The following IL15RA variants were observed in gnomAD, a reference collection of about 807,000 sequenced individuals.
IL15RA encodes the protein interleukin-15 receptor subunit alpha.
In IL15RA, 26 loss-of-function variants were observed where a neutral mutation model predicts 24.2. The observed-to-expected ratio is 1.07, with a 90% CI of 0.79 to 1.49. The LOEUF (loss-of-function observed/expected upper bound fraction) is 1.49. Among genes scored for constraint, IL15RA ranks in the 40% most tolerant of loss-of-function variants. IL15RA has a pLI of 0.00. For missense variants in IL15RA, 354 were observed against 356.4 expected (o/e 0.99, Z 0.05); for synonymous variants, 166 against 157.6 (o/e 1.05, Z -0.40).
In IL15RA at chr10:5,965,165, C is replaced by G. The variant is rs1287831273; in HGVS notation, c.283+980G>C. ...GGCCTGAGTGTTCCAGAAACAGCTC[C>G]AAGTGGTTCCCACCCGAGATGGTTT... is the stretch of plus-strand genomic sequence containing the variant. On this transcript the variant is annotated intron_variant, in intron 2 of 6. Transcript: ENST00000379977. This position sits in a 1 kb window ranked among gnomAD's most constrained non-coding sequence, Gnocchi z 5.8. 6.6e-6 allele frequency among the ~76,000 whole-genome samples: 1 copy of G among 152,156 alleles called. No individual in the cohort carries two copies. Among genetic ancestry groups the G allele is most frequent in the East Asian group, 1.9e-4 (1 of 5,188 alleles).
Position 5,952,452 on chromosome 10 carries a change from A to T in IL15RA, c.*643T>A, listed in dbSNP as rs1833950131. 6.5e-6 allele frequency: 1 copy of T among 152,820 alleles called. No individual in the cohort carries two copies. The highest frequency in any genetic ancestry group is 1.5e-5 in the Non-Finnish European group (1 of 68,150). 9.5% of individuals were successfully genotyped at this position (152,820 alleles called of 1,614,324 possible). A position where few individuals can be genotyped will look rare whatever the true frequency, so the allele number is the denominator to read the frequency against. ...TCAAAATACAAATAATATATAATGTATAGATATAATAGACAAGGAAGTATA... is the reference window on the plus strand; with the variant it reads ...TCAAAATACAAATAATATATAATGTTTAGATATAATAGACAAGGAAGTATA... On this transcript the variant is annotated 3_prime_UTR_variant, in exon 7 of 7. Coordinates refer to ENST00000379977, the MANE Select transcript of IL15RA (RefSeq NM_002189.4).
rs1003235396 is a variant in IL15RA, at chr10:5,961,562, G to A, written c.383-995C>T. 4.6e-5 allele frequency among the ~76,000 whole-genome samples: 7 copies of A among 152,270 alleles called. No homozygotes were observed. The highest frequency in any genetic ancestry group is 1.3e-4 in the Admixed American group (2 of 15,294). On this transcript the variant is annotated intron_variant, in intron 3 of 6. Coordinates refer to ENST00000379977, the MANE Select transcript of IL15RA (RefSeq NM_002189.4). This position sits in a 1 kb window ranked among gnomAD's most constrained non-coding sequence, Gnocchi z 5.2. ...CTCGGAGCGGCTGCGTGTGAAACAC[G>A]GGAAGCCTGGGCTCTGGCCTGAACT... is the stretch of plus-strand genomic sequence containing the variant.
rs1226264436 is a variant in IL15RA at position 5,965,512 on chromosome 10, G to A, written c.283+633C>T. On this transcript the variant is annotated intron_variant, in intron 2 of 6. Transcript: ENST00000379977. The surrounding 1 kb of genome is among the most constrained non-coding windows in gnomAD (Gnocchi z 5.8). ...GTAATAAGAGTTAATATTTACCAGG[G>A]TTCACGCCACCCTCCCACAGCCCGC... Among the ~76,000 whole-genome samples the A allele has an allele frequency of 6.6e-6, 1 of 152,200 alleles. No individual in the cohort carries two copies. Among genetic ancestry groups the A allele is most frequent in the Non-Finnish European group, 1.5e-5 (1 of 68,042 alleles).
In IL15RA at chr10:5,971,593, C is replaced by T. The variant is rs564308316; in HGVS notation, c.89-5254G>A. Among the ~76,000 whole-genome samples, 2 of 152,198 alleles carry T rather than the reference C, an allele frequency of 1.3e-5. No homozygotes were observed. The highest frequency in any genetic ancestry group is 2.4e-5 in the African/African-American group (1 of 41,452). The stretch of plus-strand genomic sequence containing the variant: ...TTACAGCACCTTTCAAATGCCTGCA[C>T]GAGCTAAGGGTGGTAGGATTCAGAG... On this transcript the variant is annotated intron_variant, in intron 1 of 6. Transcript: ENST00000379977. This position sits in a 1 kb window ranked among gnomAD's most constrained non-coding sequence, Gnocchi z 5.5.
chr10:5,956,043 C>G (rs1455667825), intron 6 of IL15RA, among the ~76,000 whole-genome samples: 1 of 152,034 alleles, frequency 6.6e-6, no homozygotes, highest in African/African-American at 2.4e-5. Flanking sequence ...GAGACAGAGT[C>G]TTGCTCTGTT....
In IL15RA at chr10:5,953,404, A is replaced by T. The variant is rs983472617; in HGVS notation, c.693-198T>A. On this transcript the variant is annotated intron_variant, in intron 6 of 6. Transcript: ENST00000379977. This position sits in a 1 kb window ranked among gnomAD's most constrained non-coding sequence, Gnocchi z 5.3. ...TAGAATGCCTACCTCTACCGAGTGT[A>T]TTAAATCCTATCTAGGGGCCAGGTG... 1.4e-6 allele frequency: 1 copy of T among 706,864 alleles called. No homozygotes were observed. The highest frequency in any genetic ancestry group is 1.7e-5 in the African/African-American group (1 of 57,150). 43.8% of individuals were successfully genotyped at this position (706,864 alleles called of 1,614,324 possible). A position where few individuals can be genotyped will look rare whatever the true frequency, so the allele number is the denominator to read the frequency against.
At position 5,967,603 on chromosome 10, in the gene IL15RA, A is replaced by T. The variant is rs1049141331; in HGVS notation, c.89-1264T>A. On this transcript the variant is annotated intron_variant, in intron 1 of 6. Transcript: ENST00000379977. This position sits in a 1 kb window ranked among gnomAD's most constrained non-coding sequence, Gnocchi z 4.4. ...TGCTTTCAGCTCTGGTTGGTCATTC[A>T]TACATTTTGGAATGCTTTCCATTCC... is the stretch of plus-strand genomic sequence containing the variant. Among the ~76,000 whole-genome samples, 1 of 152,238 alleles carries T rather than the reference A, an allele frequency of 6.6e-6. No homozygotes were observed. The highest frequency in any genetic ancestry group is 2.4e-5 in the African/African-American group (1 of 41,462).
Position 5,963,897 on chromosome 10 carries a change from G to C in IL15RA, c.284-56C>G. On this transcript the variant is annotated intron_variant, in intron 2 of 6. Transcript: ENST00000379977. This position sits in a 1 kb window ranked among gnomAD's most constrained non-coding sequence, Gnocchi z 5.3. ...GATCCTGAGCCTGGAACCTGGGCTG[G>C]CTTCAGAACGGGATACAAATAAAAT... The C allele has an allele frequency of 9.0e-7, 1 of 1,115,482 alleles. No homozygotes were observed. Among genetic ancestry groups the C allele is most frequent in the Non-Finnish European group, 1.3e-6 (1 of 783,254 alleles). 69.1% of individuals were successfully genotyped at this position (1,115,482 alleles called of 1,614,324 possible).
chr10:5,958,357 A>G lies in IL15RA; in HGVS notation c.616+1397T>C, dbSNP rs1229340286. The G allele has an allele frequency of 2.2e-6, 1 of 446,498 alleles. No individual in the cohort carries two copies. Among genetic ancestry groups the G allele is most frequent in the Non-Finnish European group, 4.5e-6 (1 of 222,736 alleles). 27.7% of individuals were successfully genotyped at this position (446,498 alleles called of 1,614,324 possible). On this transcript the variant is annotated intron_variant, in intron 5 of 6. Coordinates refer to ENST00000379977, the MANE Select transcript of IL15RA (RefSeq NM_002189.4). This position sits in a 1 kb window ranked among gnomAD's most constrained non-coding sequence, Gnocchi z 4.3. Reference sequence around the variant, plus strand: ...TAGCAAGTGTTGCTTCCTTCCTGCAAGGGGATTTTTGAGTTAGAAATGGGA... The same window carrying G: ...TAGCAAGTGTTGCTTCCTTCCTGCAGGGGGATTTTTGAGTTAGAAATGGGA...
In IL15RA at chr10:5,977,523, C is replaced by T. The variant is rs962896747; in HGVS notation, c.-31G>A. ...CAGCTCCACAGGACACCGCTGGACT[C>T]CCCGGGCGAGCGCTGCCCAGGCCGG... On this transcript the variant is annotated 5_prime_UTR_variant, in exon 1 of 7. Coordinates refer to ENST00000379977, the MANE Select transcript of IL15RA (RefSeq NM_002189.4). 7 of 1,314,982 alleles carry T rather than the reference C, an allele frequency of 5.3e-6. No homozygotes were observed. Among genetic ancestry groups the T allele is most frequent in the Non-Finnish European group, 6.8e-6 (7 of 1,032,436 alleles). The allele number at this position is 1,314,982 out of a possible 1,614,324, so 81.5% of individuals were successfully genotyped here.
rs780359113 is a variant in IL15RA, at chr10:5,966,234, C to T, written c.194G>A (p.Arg65His). The change falls in exon 2 of 7, where the codon CGT (arginine) becomes CAT (histidine). Residue 65 changes from arginine to histidine, a missense_variant. By Grantham distance (29) the Arg-to-His change is conservative. Transcript: ENST00000379977. The surrounding 1 kb of genome is among the most constrained non-coding windows in gnomAD (Gnocchi z 6.4). ...ERYICNSGFK[R>H]KAGTSSLTEC... ...CGTCAGGCTGGACGTGCCGGCTTTA[C>T]GCTTGAAACCAGAGTTACAAATGTA... 1.4e-5 allele frequency: 22 copies of T among 1,614,016 alleles called. No individual in the cohort carries two copies. The highest frequency in any genetic ancestry group is 6.7e-5 in the East Asian group (3 of 44,902).
chr10:5,949,536 T>C (rs1375759403), downstream of IL15RA, among the ~76,000 whole-genome samples: 1 of 152,072 alleles, frequency 6.6e-6, no homozygotes, highest in Non-Finnish European at 1.5e-5. The surrounding 1 kb of genome is among the most constrained non-coding windows in gnomAD (Gnocchi z 4.4). Context: ...GGGAGTCCGC[T>C]CTGTGCTGTG....
chr10:5,958,617 C>A lies in IL15RA; in HGVS notation c.616+1137G>T, dbSNP rs1024172795. Among the ~76,000 whole-genome samples the A allele has an allele frequency of 9.2e-5, 14 of 152,124 alleles. No individual in the cohort carries two copies. The highest frequency in any genetic ancestry group is 3.4e-4 in the African/African-American group (14 of 41,432). On this transcript the variant is annotated intron_variant, in intron 5 of 6. Transcript: ENST00000379977. This position sits in a 1 kb window ranked among gnomAD's most constrained non-coding sequence, Gnocchi z 4.3. ...GTCCAGGCTGGTCTGGGACTCCTGGCCTCCAGTGATCAGCCCCCCTCGGCC... is the reference window on the plus strand; with the variant it reads ...GTCCAGGCTGGTCTGGGACTCCTGGACTCCAGTGATCAGCCCCCCTCGGCC...
At position 5,975,721 on chromosome 10, in the gene IL15RA, C is replaced by G. The variant is rs1276174694; in HGVS notation, c.88+1684G>C. Among the ~76,000 whole-genome samples, 4 of 151,962 alleles carry G rather than the reference C, an allele frequency of 2.6e-5. No homozygotes were observed. Among genetic ancestry groups the G allele is most frequent in the African/African-American group, 9.7e-5 (4 of 41,364 alleles). Reference sequence around the variant, plus strand: ...TCAGCCTGACCAACATGATGAAACCCCGTCTCTATTAAAAACACAAAAGTT... The same window carrying G: ...TCAGCCTGACCAACATGATGAAACCGCGTCTCTATTAAAAACACAAAAGTT... On this transcript the variant is annotated intron_variant, in intron 1 of 6. Coordinates refer to ENST00000379977, the MANE Select transcript of IL15RA (RefSeq NM_002189.4). The surrounding 1 kb of genome is among the most constrained non-coding windows in gnomAD (Gnocchi z 4.8).
chr10:5,968,895 C>T lies in IL15RA; in HGVS notation c.89-2556G>A, dbSNP rs1837083396. ...GTTGAAGCTTTCAGATATTCTGCTC[C>T]TTCCCGCCAGGACAGCCAGCCTGTC... On this transcript the variant is annotated intron_variant, in intron 1 of 6. Transcript: ENST00000379977. The surrounding 1 kb of genome is among the most constrained non-coding windows in gnomAD (Gnocchi z 5.4). 2.8e-6 allele frequency: 4 copies of T among 1,407,122 alleles called. No individual in the cohort carries two copies. Among genetic ancestry groups the T allele is most frequent in the Non-Finnish European group, 3.9e-6 (4 of 1,029,494 alleles). 87.2% of individuals were successfully genotyped at this position (1,407,122 alleles called of 1,614,324 possible).
Position 5,964,136 on chromosome 10 carries a change from G to T in IL15RA, c.284-295C>A, listed in dbSNP as rs547245744. ...ATTTTATAATGCTGGTTATTCTTGG[G>T]AGAATAAATGATCACTCAATAGATT... On this transcript the variant is annotated intron_variant, in intron 2 of 6. Coordinates refer to ENST00000379977, the MANE Select transcript of IL15RA (RefSeq NM_002189.4). This position sits in a 1 kb window ranked among gnomAD's most constrained non-coding sequence, Gnocchi z 5.6. 3.3e-4 allele frequency among the ~76,000 whole-genome samples: 50 copies of T among 152,236 alleles called. No homozygotes were observed. Among genetic ancestry groups the T allele is most frequent in the Admixed American group, 5.2e-4 (8 of 15,278 alleles).
rs73618379 is a variant in IL15RA, at chr10:5,971,931, C to A, written c.88+5474G>T. On this transcript the variant is annotated intron_variant, in intron 1 of 6. Transcript: ENST00000379977. This position sits in a 1 kb window ranked among gnomAD's most constrained non-coding sequence, Gnocchi z 5.5. The stretch of plus-strand genomic sequence containing the variant: ...TTAAATAATGATTATTGGAGTCTTG[C>A]AAGAGTTGAGGGCTACAGGTTGAAG... Among the ~76,000 whole-genome samples, 1,321 of 152,264 alleles carry A rather than the reference C, an allele frequency of 8.7e-3. 21 individuals are homozygous for A. The highest frequency in any genetic ancestry group is 0.03 in the African/African-American group (1,264 of 41,530).
At position 5,975,592 on chromosome 10, in the gene IL15RA, G is replaced by A. The variant is rs1838309009; in HGVS notation, c.88+1813C>T. Among the ~76,000 whole-genome samples, 1 of 151,392 alleles carries A rather than the reference G, an allele frequency of 6.6e-6. No homozygotes were observed. Among genetic ancestry groups the A allele is most frequent in the South Asian group, 2.1e-4 (1 of 4,766 alleles). ...TATACCTCAATAAGGCTGTTAAAGGGAAAAAAAACAACGGCTGGGCAAGCT... is the reference window on the plus strand; with the variant it reads ...TATACCTCAATAAGGCTGTTAAAGGAAAAAAAAACAACGGCTGGGCAAGCT... On this transcript the variant is annotated intron_variant, in intron 1 of 6. Transcript: ENST00000379977. This position sits in a 1 kb window ranked among gnomAD's most constrained non-coding sequence, Gnocchi z 4.8.
Position 5,977,453 on chromosome 10 carries a change from G to A in IL15RA, c.40C>T (p.Leu14Phe). 2 of 1,367,720 alleles carry A rather than the reference G, an allele frequency of 1.5e-6. No individual in the cohort carries two copies. Among genetic ancestry groups the A allele is most frequent in the East Asian group, 3.1e-5 (1 of 32,384 alleles). 84.7% of individuals were successfully genotyped at this position (1,367,720 alleles called of 1,614,324 possible). A position where few individuals can be genotyped will look rare whatever the true frequency, so the allele number is the denominator to read the frequency against. ...RRARGCRTLG[L>F]PALLLLLLLR... The stretch of plus-strand genomic sequence containing the variant: ...AGCAGCAGCAGTAGCAGCGCCGGGA[G>A]ACCGAGGGTCCGGCAGCCGCGCGCC... The change falls in exon 1 of 7, where the codon CTC (leucine) becomes TTC (phenylalanine). Residue 14 changes from leucine to phenylalanine, a missense_variant. Coordinates refer to ENST00000379977, the MANE Select transcript of IL15RA (RefSeq NM_002189.4).
Sources: gnomAD v4.1 joint callset for allele counts (sites outside exome capture counted in the v4.1 genomes callset) on GRCh38, gnomAD v4.1.1 for gene constraint, Gnocchi (gnomAD v3.1) non-coding constraint, MANE v1.5 for transcripts, NCBI Gene and HGNC (gene_info 2026-07-23, HGNC 2026-07-21) for gene names.